RASAL2: variants seen among roughly 807,000 people sequenced by gnomAD.
The protein encoded by RASAL2 is ras GTPase-activating protein nGAP.
Under a neutral mutation model 128.9 loss-of-function variants are expected in RASAL2, and 58 were observed. That is an observed-to-expected ratio of 0.45 (90% CI 0.36 to 0.56). The LOEUF is 0.56. RASAL2 is among the 20% of genes least tolerant of loss of function. RASAL2 has a pLI of 0.00. For missense variants in RASAL2, 1,360 were observed against 1,601.6 expected (o/e 0.85, Z 2.57); for synonymous variants, 561 against 580.8 (o/e 0.97, Z 0.49).
At position 178,441,628 on chromosome 1, in the gene RASAL2, G is replaced by A. The variant is rs1478218007; in HGVS notation, c.908G>A (p.Arg303Lys). 6.2e-7 allele frequency: 1 copy of A among 1,611,922 alleles called. No homozygotes were observed. Among genetic ancestry groups the A allele is most frequent in the African/African-American group, 1.3e-5 (1 of 74,890 alleles). ...GACAAGTGGATGGAAAACCTTCGCA[G>A]GACAGTTCAACCTAATAAGGTAATA... ...ERDKWMENLRRTVQPNKDNCR... is the reference protein window; with the variant it reads ...ERDKWMENLRKTVQPNKDNCR... Residue 303 changes from arginine (R) to lysine (K), a missense_variant, in exon 7 of 18, where the codon AGG becomes AAG. By Grantham distance (26) the Arg-to-Lys change is conservative (BLOSUM62 2). Around this residue, in one of 3 missense-constraint regions of RASAL2, gnomAD observed 617 missense variants for 714.2 expected, o/e 0.86. Coordinates refer to ENST00000367649, the MANE Select transcript of RASAL2 (RefSeq NM_170692.4).
At chr1:178,426,658 A>G (rs939495422) in intron 5 of RASAL2, among the ~76,000 whole-genome samples, 1 of 149,456 alleles carries the variant, frequency 6.7e-6, no homozygotes, top group African/African-American at 2.4e-5. Flanking sequence ...CATACAAAGG[A>G]ATGTTGGGGG....
At chr1:178,139,764 T>C (rs1161717665) in intron 1 of RASAL2, among the ~76,000 whole-genome samples, 1 of 152,042 alleles carries the variant, frequency 6.6e-6, no homozygotes, top group African/African-American at 2.4e-5. Context: ...TCCTTTGTAG[T>C]AAATTAGTGA....
chr1:178,372,686 G>C (rs1001365972), intron 3 of RASAL2, among the ~76,000 whole-genome samples: 1 of 152,140 alleles, frequency 6.6e-6, no homozygotes, highest in African/African-American at 2.4e-5. Flanking sequence ...TGCTGTGTGA[G>C]AGTGGGAGTA....
intron 1 of RASAL2, among the ~76,000 whole-genome samples, chr1:178,231,010 A>G (rs1663985918): frequency 6.6e-6 from 1 of 151,940 alleles, no homozygotes; most frequent in Non-Finnish European, 1.5e-5. Context: ...TACCAGTTAA[A>G]CTCTGCCATT....
At chr1:178,211,358 T>C (rs1332484949) in intron 1 of RASAL2, among the ~76,000 whole-genome samples, 4 of 152,158 alleles carry the variant, frequency 2.6e-5, no homozygotes, top group Non-Finnish European at 5.9e-5. Flanking sequence ...TCCCATCTAA[T>C]TTCCTGCTCG....
chr1:178,289,692 T>C (rs1667190006), intron 2 of RASAL2, among the ~76,000 whole-genome samples: 1 of 152,166 alleles, frequency 6.6e-6, no homozygotes, highest in South Asian at 2.1e-4. Flanking sequence ...ATTTTCAACA[T>C]GCCCCACACT....
intron 1 of RASAL2, chr1:178,123,213 C>T (rs946420188): frequency 1.3e-5 from 2 of 152,144 alleles, no homozygotes; most frequent in African/African-American, 4.8e-5. Context: ...AAGTCGAGAT[C>T]TCCTGACATA....
chr1:178,447,991 G>C (rs1677128260), intron 9 of RASAL2, among the ~76,000 whole-genome samples: 1 of 152,222 alleles, frequency 6.6e-6, no homozygotes, highest in South Asian at 2.1e-4. Context: ...AAATCTCAGG[G>C]GTTTTAGATA....
intron 2 of RASAL2, among the ~76,000 whole-genome samples, chr1:178,296,601 G>A (rs1233736294): frequency 1.3e-5 from 2 of 151,318 alleles, no homozygotes; most frequent in Non-Finnish European, 2.9e-5. Context: ...GGCCTCAAGA[G>A]ATTCTCCCAC....
chr1:178,362,313 T>TC (rs1444796495), intron 3 of RASAL2, among the ~76,000 whole-genome samples: 1 of 152,144 alleles, frequency 6.6e-6, no homozygotes, highest in African/African-American at 2.4e-5. Context: ...CTGGAACCAA[T>TC]CCCCCATGGA....
intron 1 of RASAL2, among the ~76,000 whole-genome samples, chr1:178,132,223 A>T (rs1026752892): frequency 2.9e-4 from 42 of 146,454 alleles, no homozygotes; most frequent in East Asian, 6.0e-4. Flanking sequence ...AAAATTTTAA[A>T]TTTTTTTTTT....
intron 1 of RASAL2, among the ~76,000 whole-genome samples, chr1:178,221,879 TG>T (rs1663626226): frequency 6.6e-6 from 1 of 152,224 alleles, no homozygotes; most frequent in African/African-American, 2.4e-5. Context: ...ACTGTAATAC[TG>T]GATTCATGTA....
chr1:178,308,695 A>C (rs370626641), intron 3 of RASAL2, among the ~76,000 whole-genome samples: 3 of 151,856 alleles, frequency 2.0e-5, no homozygotes, highest in African/African-American at 7.2e-5. Context: ...ACAGGCACTC[A>C]CCACCATGCC....
intron 3 of RASAL2, among the ~76,000 whole-genome samples, chr1:178,366,050 TA>T (rs1314764882): frequency 6.6e-6 from 1 of 152,180 alleles, no homozygotes; most frequent in East Asian, 1.9e-4. Flanking sequence ...ATTTTATCCT[TA>T]AAATGTCAAC....
chr1:178,230,467 C>T (rs1007609612), intron 1 of RASAL2, among the ~76,000 whole-genome samples: 1 of 152,064 alleles, frequency 6.6e-6, no homozygotes, highest in African/African-American at 2.4e-5. Flanking sequence ...GTTTTATCAG[C>T]CTTTTAAGTG....
chr1:178,174,165 A>AT (rs1331172888), intron 1 of RASAL2, among the ~76,000 whole-genome samples: 1 of 151,718 alleles, frequency 6.6e-6, no homozygotes, highest in Non-Finnish European at 1.5e-5. Context: ...TTAGCATATA[A>AT]TTTTTTTTCT....
intron 4 of RASAL2, among the ~76,000 whole-genome samples, chr1:178,416,183 T>C (rs1339338790): frequency 6.6e-6 from 1 of 152,160 alleles, no homozygotes; most frequent in Non-Finnish European, 1.5e-5. Context: ...GAATGACTTA[T>C]ATGATTCCAT....
At chr1:178,163,245 C>T (rs972838625) in intron 1 of RASAL2, among the ~76,000 whole-genome samples, 2 of 152,184 alleles carry the variant, frequency 1.3e-5, no homozygotes, top group Admixed American at 6.5e-5. Context: ...GGATTACAGG[C>T]ATGAGCCCCT....
At chr1:178,396,590 A>G (rs562131622) in intron 4 of RASAL2, among the ~76,000 whole-genome samples, 125 of 152,256 alleles carry the variant, frequency 8.2e-4, no homozygotes, top group Non-Finnish European at 4.9e-4. Context: ...AGCTGTACTT[A>G]TACTCAGCAA....
Sources: allele counts gnomAD v4.1 joint callset (sites outside exome capture counted in the v4.1 genomes callset), GRCh38; gene constraint gnomAD v4.1.1; regional missense constraint gnomAD v4.1.1; transcripts MANE v1.5; gene names NCBI Gene and HGNC (gene_info 2026-07-23, HGNC 2026-07-21).